The following THADA variants were observed in gnomAD, a reference collection of about 807,000 sequenced individuals.
THADA encodes tRNA (32-2'-O)-methyltransferase regulator THADA.
A neutral mutation model predicts 219.8 loss-of-function variants in THADA; 213 were observed. The observed-to-expected ratio is 0.97, with a 90% CI of 0.87 to 1.09. The LOEUF is 1.09. THADA is among the 50% of genes least tolerant of loss of function. The pLI is 0.00. For synonymous variants in THADA, 1,018 were observed against 828.9 expected (o/e 1.23, Z -3.92); for missense variants, 2,956 against 2,311.3 (o/e 1.28, Z -5.72).
chr2:43,531,254 A>G (rs773760470), intron 21 of THADA, among the ~76,000 whole-genome samples: 2 of 152,244 alleles, frequency 1.3e-5, no homozygotes, highest in Non-Finnish European at 2.9e-5. Context: ...ACAGGCTATT[A>G]CAGTACTTGG....
intron 37 of THADA, among the ~76,000 whole-genome samples, chr2:43,231,553 G>C (rs866643186): frequency 2.0e-5 from 3 of 152,164 alleles, no homozygotes; most frequent in Non-Finnish European, 4.4e-5. Context: ...TTCTCCACCA[G>C]AGAGGAATTT....
intron 36 of THADA, 168 bp from the exon 37 acceptor site, chr2:43,233,050 A>AT: frequency 1.5e-6 from 1 of 659,582 alleles, no homozygotes; most frequent in Non-Finnish European, 2.6e-6. Flanking sequence ...CACCTTCTGA[A>AT]TCCTGCTATT....
intron 20 of THADA, among the ~76,000 whole-genome samples, chr2:43,542,059 A>C (rs923918902): frequency 6.6e-6 from 1 of 152,240 alleles, no homozygotes; most frequent in Non-Finnish European, 1.5e-5. Flanking sequence ...ATGGCCAATA[A>C]GCTATAATTA....
chr2:43,287,440 G>A (rs1426634768), intron 34 of THADA, among the ~76,000 whole-genome samples: 2 of 152,122 alleles, frequency 1.3e-5, no homozygotes, highest in African/African-American at 4.8e-5. Flanking sequence ...AAGTACAGGT[G>A]TGTGCCACCA....
chr2:43,574,741 C>T lies in THADA; in HGVS notation c.1324G>A (p.Glu442Lys). Residue 442 changes from glutamate to lysine, a missense_variant, in exon 11 of 38, where the codon GAG becomes AAG. Physicochemically the swap from Glu to Lys is moderately conservative, Grantham distance 56. Transcript: ENST00000405975. ...VPDPFFVELT[E>K]SLLRLEWHIK... The stretch of plus-strand genomic sequence containing the variant: ...TGCCATTCCAATCGTAAAAGACTCT[C>T]AGTCAATTCCACAAAGAAAGGATCA... 6 of 1,614,038 alleles carry T rather than the reference C, an allele frequency of 3.7e-6. No individual in the cohort carries two copies. Among genetic ancestry groups the T allele is most frequent in the Non-Finnish European group, 4.2e-6 (5 of 1,179,890 alleles).
At chr2:43,287,353 G>A (rs935451882) in intron 34 of THADA, among the ~76,000 whole-genome samples, 2 of 152,016 alleles carry the variant, frequency 1.3e-5, no homozygotes, top group African/African-American at 4.8e-5. Flanking sequence ...GGAGTGCAAT[G>A]GTGCGATCTT....
intron 21 of THADA, among the ~76,000 whole-genome samples, chr2:43,532,190 T>C (rs1693967338): frequency 6.6e-6 from 1 of 151,702 alleles, no homozygotes; most frequent in Admixed American, 6.6e-5. Context: ...GGCTGGTGGA[T>C]TGCCTGAGCT....
At chr2:43,430,061 G>A (rs1240905888) in intron 27 of THADA, among the ~76,000 whole-genome samples, 152 bp downstream of exon 27, 2 of 152,016 alleles carry the variant, frequency 1.3e-5, no homozygotes, top group African/African-American at 4.8e-5. Context: ...CAGCTTGGGT[G>A]ACAGGGAAAG....
intron 23 of THADA, among the ~76,000 whole-genome samples, chr2:43,506,540 G>T (rs1689690021): frequency 6.6e-6 from 1 of 152,190 alleles, no homozygotes; most frequent in African/African-American, 2.4e-5. Flanking sequence ...TATAGATCTG[G>T]AAGGTAGATT....
At chr2:43,292,792 G>A (rs1406641201) in intron 32 of THADA, 42 bp downstream of exon 32, 15 of 1,578,498 alleles carry the variant, frequency 9.5e-6, no homozygotes, top group East Asian at 2.2e-5. Context: ...ACAAAAGAAT[G>A]TGGGGAGTGT....
chr2:43,352,765 C>T (rs1668432812), intron 29 of THADA, among the ~76,000 whole-genome samples: 1 of 152,020 alleles, frequency 6.6e-6, no homozygotes, highest in African/African-American at 2.4e-5. Context: ...ACTAGCATCC[C>T]TACCACCACC....
At chr2:43,485,435 A>G in intron 25 of THADA, 110 bp from the exon 26 acceptor site, 1 of 736,584 alleles carries the variant, frequency 1.4e-6, no homozygotes, top group Non-Finnish European at 2.3e-6. Context: ...GGCTAGTGTG[A>G]GGCTAAAAAG....
At chr2:43,289,939 C>T (rs1486182263) in intron 34 of THADA, among the ~76,000 whole-genome samples, 1 of 149,950 alleles carries the variant, frequency 6.7e-6, no homozygotes. Flanking sequence ...CAGGTGTGAG[C>T]TACCGTGCCC....
chr2:43,248,343 C>T (rs1019303376), intron 36 of THADA, among the ~76,000 whole-genome samples: 4 of 151,816 alleles, frequency 2.6e-5, no homozygotes, highest in Non-Finnish European at 5.9e-5. Flanking sequence ...GATTCTCCCA[C>T]TTCAGCTTCC....
chr2:43,365,426 C>T (rs1021965114), intron 29 of THADA, among the ~76,000 whole-genome samples: 1 of 151,866 alleles, frequency 6.6e-6, no homozygotes, highest in African/African-American at 2.4e-5. Context: ...CAAAAATTAG[C>T]TGGGCGTGGT....
At chr2:43,463,718 C>T (rs1683906798) in intron 26 of THADA, among the ~76,000 whole-genome samples, 1 of 147,606 alleles carries the variant, frequency 6.8e-6, no homozygotes, top group African/African-American at 2.6e-5. Context: ...CAATGGTGCA[C>T]CACGATCTTT....
intron 21 of THADA, among the ~76,000 whole-genome samples, chr2:43,532,806 G>C (rs1694056515): frequency 6.6e-6 from 1 of 152,114 alleles, no homozygotes; most frequent in Non-Finnish European, 1.5e-5. Flanking sequence ...AGAAAACCTA[G>C]GCAATACCAT....
chr2:43,514,644 T>A (rs1381289189), intron 22 of THADA, among the ~76,000 whole-genome samples: 2 of 97,988 alleles, frequency 2.0e-5, no homozygotes, highest in Admixed American at 3.2e-4. Flanking sequence ...ATTTTATATA[T>A]AATATATATA....
intron 9 of THADA, among the ~76,000 whole-genome samples, chr2:43,578,154 ATT>A (rs972921221): frequency 6.9e-6 from 1 of 145,140 alleles, no homozygotes; most frequent in African/African-American, 2.5e-5. Flanking sequence ...AATATTTTTA[ATT>A]TTTTTTTTTT....
Sources: allele counts gnomAD v4.1 joint callset (sites outside exome capture counted in the v4.1 genomes callset), GRCh38; gene constraint gnomAD v4.1.1; transcripts MANE v1.5; gene names NCBI Gene and HGNC (gene_info 2026-07-23, HGNC 2026-07-21).